The following CNTNAP2 variants were observed in gnomAD, a reference collection of about 807,000 sequenced individuals.
CNTNAP2 encodes contactin associated protein 2.
In CNTNAP2, 98 loss-of-function variants were observed where a neutral mutation model predicts 155.2. The ratio of observed to expected loss-of-function variants is 0.63; its 90% CI spans 0.54 to 0.75. The LOEUF is 0.75. Among genes scored for constraint, CNTNAP2 ranks in the 30% least tolerant of loss-of-function variants. The probability of loss-of-function intolerance (pLI) is 0.00; values close to 1 mark genes in which losing one functional copy is unlikely to be tolerated. For missense variants in CNTNAP2, 1,727 were observed against 1,688.1 expected, an observed-to-expected ratio of 1.02 and a Z score of -0.40; for synonymous variants, 651 against 631.2, an observed-to-expected ratio of 1.03 and a Z score of -0.47.
chr7:147,189,226 A>G (rs926085864), intron 8 of CNTNAP2, among the ~76,000 whole-genome samples: 4 of 152,340 alleles, frequency 2.6e-5, no homozygotes, highest in Admixed American at 1.3e-4. Context: ...TTATAAAACT[A>G]TACATAGTAT....
At chr7:146,468,209 C>A (rs1011012897) in intron 1 of CNTNAP2, among the ~76,000 whole-genome samples, 3 of 152,000 alleles carry the variant, frequency 2.0e-5, no homozygotes, top group African/African-American at 7.2e-5. Flanking sequence ...ATGATAAAGA[C>A]CGTGATCCCC....
intron 13 of CNTNAP2, among the ~76,000 whole-genome samples, chr7:147,690,746 TTTTC>T (rs201120150): frequency 0.016 from 2,502 of 152,248 alleles, 221 homozygotes; most frequent in Admixed American, 0.15. Context: ...CTTTTAAAGT[TTTTC>T]TTTCAATTAT....
At chr7:146,522,010 A>G (rs1342908129) in intron 1 of CNTNAP2, among the ~76,000 whole-genome samples, 2 of 151,824 alleles carry the variant, frequency 1.3e-5, no homozygotes, top group Non-Finnish European at 2.9e-5. Flanking sequence ...ATTCTCAGTC[A>G]TTTTGCTTAA....
chr7:147,523,684 C>A (rs1799268404), intron 11 of CNTNAP2, among the ~76,000 whole-genome samples: 1 of 152,158 alleles, frequency 6.6e-6, no homozygotes, highest in Admixed American at 6.5e-5. Context: ...TGCACAGGTG[C>A]CTTGTGAGCA....
chr7:146,983,712 G>A (rs757838109), intron 3 of CNTNAP2, among the ~76,000 whole-genome samples: 4 of 152,186 alleles, frequency 2.6e-5, no homozygotes, highest in Non-Finnish European at 5.9e-5. Flanking sequence ...TGTCTGTTAC[G>A]GTACAGATAT....
chr7:147,095,697 T>C (rs1202018655), intron 4 of CNTNAP2, among the ~76,000 whole-genome samples: 1 of 152,132 alleles, frequency 6.6e-6, no homozygotes, highest in Non-Finnish European at 1.5e-5. Context: ...TATAATCATA[T>C]ACCTTACCAA....
At chr7:147,721,874 A>G (rs1462977064) in intron 13 of CNTNAP2, among the ~76,000 whole-genome samples, 2 of 152,118 alleles carry the variant, frequency 1.3e-5, no homozygotes, top group Non-Finnish European at 2.9e-5. Flanking sequence ...GCATCAGTCA[A>G]GTTCTGAAAC....
intron 10 of CNTNAP2, among the ~76,000 whole-genome samples, chr7:147,464,576 T>G (rs1798082268): frequency 6.6e-6 from 1 of 152,062 alleles, no homozygotes; most frequent in Non-Finnish European, 1.5e-5. Context: ...TTGCCACAAT[T>G]TTTAGTTTCT....
intron 1 of CNTNAP2, among the ~76,000 whole-genome samples, chr7:146,751,672 A>G (rs1408272887): frequency 6.6e-6 from 1 of 151,960 alleles, no homozygotes; most frequent in Non-Finnish European, 1.5e-5. Flanking sequence ...GGTTTGTTAC[A>G]CAGTTATACA....
chr7:146,687,660 T>A (rs1301687282), intron 1 of CNTNAP2, among the ~76,000 whole-genome samples: 2 of 152,170 alleles, frequency 1.3e-5, no homozygotes, highest in East Asian at 3.9e-4. Flanking sequence ...TCAGATCATT[T>A]CATTTTCAGA....
intron 3 of CNTNAP2, among the ~76,000 whole-genome samples, chr7:146,947,273 T>A (rs897795343): frequency 2.0e-5 from 3 of 151,608 alleles, no homozygotes; most frequent in African/African-American, 2.4e-5. Context: ...TGTCATTTTT[T>A]AAATTTTTTT....
intron 18 of CNTNAP2, among the ~76,000 whole-genome samples, chr7:148,209,296 T>TC (rs1322190381): frequency 8.9e-6 from 1 of 112,850 alleles, no homozygotes; most frequent in East Asian, 2.3e-4. Flanking sequence ...TTTCTTTTCT[T>TC]CCTTTTTTTT....
chr7:147,776,558 T>C (rs1293844180), intron 13 of CNTNAP2, among the ~76,000 whole-genome samples: 1 of 152,198 alleles, frequency 6.6e-6, no homozygotes, highest in African/African-American at 2.4e-5. Flanking sequence ...ACTTAGCTGC[T>C]GAGATATTCA....
At chr7:147,262,713 G>A (rs1022825620) in intron 8 of CNTNAP2, among the ~76,000 whole-genome samples, 4 of 152,188 alleles carry the variant, frequency 2.6e-5, no homozygotes, top group African/African-American at 9.6e-5. Context: ...GGCTGAGGCA[G>A]GAGAATGGCA....
intron 3 of CNTNAP2, among the ~76,000 whole-genome samples, chr7:146,918,951 C>G (rs1796446950): frequency 6.6e-6 from 1 of 152,104 alleles, no homozygotes; most frequent in Non-Finnish European, 1.5e-5. Flanking sequence ...GAGGTTCTTT[C>G]TTCTACTTGT....
chr7:147,519,023 C>CATA (rs1799182644), intron 11 of CNTNAP2, among the ~76,000 whole-genome samples: 1 of 102,292 alleles, frequency 9.8e-6, no homozygotes, highest in African/African-American at 3.7e-5. Context: ...GACTCTGTCT[C>CATA]AAAAAAAAAA....
intron 10 of CNTNAP2, among the ~76,000 whole-genome samples, chr7:147,432,965 T>C (rs1162596098): frequency 2.0e-5 from 3 of 152,188 alleles, no homozygotes; most frequent in Admixed American, 2.0e-4. Flanking sequence ...TTAACAAGGA[T>C]GTAACACATA....
At chr7:146,707,874 A>T (rs1220022862) in intron 1 of CNTNAP2, among the ~76,000 whole-genome samples, 1 of 152,162 alleles carries the variant, frequency 6.6e-6, no homozygotes, top group Non-Finnish European at 1.5e-5. Context: ...GAGTCTTGAT[A>T]ACTGATGGAG....
intron 3 of CNTNAP2, among the ~76,000 whole-genome samples, chr7:146,903,501 G>C (rs1159176977): frequency 6.6e-6 from 1 of 152,118 alleles, no homozygotes; most frequent in African/African-American, 2.4e-5. Flanking sequence ...ATCCTTCTCA[G>C]TCTTTCCATC....
Sources: allele counts gnomAD v4.1 joint callset (sites outside exome capture counted in the v4.1 genomes callset), GRCh38; gene constraint gnomAD v4.1.1; transcripts MANE v1.5; gene names NCBI Gene and HGNC (gene_info 2026-07-23, HGNC 2026-07-21).